Variants in PAX9 observed in about 807,000 individuals in gnomAD.
PAX9 encodes paired box 9.
PAX9 carries 6 observed loss-of-function variants against 29.1 expected under a neutral mutation model. That is an observed-to-expected ratio of 0.21 (90% CI 0.11 to 0.41). PAX9 has a LOEUF of 0.41. PAX9 is among the 10% of genes least tolerant of loss of function. The pLI is 1.00. For missense variants in PAX9, 443 were observed against 479.1 expected, an observed-to-expected ratio of 0.92 and a Z score of 0.70; for synonymous variants, 217 against 211.7, an observed-to-expected ratio of 1.03 and a Z score of -0.22.
At chr14:36,671,170 C>T (rs1881681346) in intron 3 of PAX9, 4 of 341,960 alleles carry the variant, frequency 1.2e-5, no homozygotes, top group South Asian at 8.9e-5. Flanking sequence ...ATAAGAGGAC[C>T]AGGTTGAACT....
chr14:36,676,261 ACC>A lies in PAX9; in HGVS notation c.838_839del (p.Pro280SerfsTer36). 6.2e-7 allele frequency: 1 copy of A among 1,613,818 alleles called. No individual in the cohort carries two copies. Among genetic ancestry groups the A allele is most frequent in the Non-Finnish European group, 8.5e-7 (1 of 1,179,964 alleles). On this transcript the variant is annotated frameshift_variant, in exon 4 of 4. Coordinates refer to ENST00000361487, the MANE Select transcript of PAX9 (RefSeq NM_001372076.1). LOFTEE classifies it high-confidence loss of function. ...AGCATCCAGCATGGCTCCTTACCCTACCCCAGCCCAAGTGTCGCCTTACATGA... is the reference window on the plus strand; with the variant it reads ...AGCATCCAGCATGGCTCCTTACCCTACCAGCCCAAGTGTCGCCTTACATGA... ...VSASSMAPYP[T>X]PAQVSPYMTY... is the part of the protein sequence containing the mutation.
intron 1 of PAX9, 76 bp from the exon 2 acceptor site, chr14:36,662,821 G>C (rs576169642): frequency 1.9e-6 from 3 of 1,552,514 alleles, no homozygotes; most frequent in African/African-American, 1.4e-5. Flanking sequence ...CCCCGGATGC[G>C]TAGGGAGGCC....
At chr14:36,666,685 G>A in intron 3 of PAX9, 84 bp downstream of exon 3, 1 of 1,502,794 alleles carries the variant, frequency 6.7e-7, no homozygotes, top group Non-Finnish European at 9.1e-7. Flanking sequence ...GTCCCTTTCT[G>A]AGCTTCCCGC....
intron 1 of PAX9, 54 bp downstream of exon 1, chr14:36,662,147 C>T: frequency 2.0e-5 from 3 of 147,698 alleles, no homozygotes; most frequent in South Asian, 9.1e-5. Context: ...AGGGAGCGAG[C>T]GGGCAAGGGA....
At chr14:36,657,907 G>T (rs1238037953), upstream of PAX9, 1 of 152,312 alleles carries the variant, frequency 6.6e-6, no homozygotes, top group Non-Finnish European at 1.5e-5. Context: ...GCAGGTCAGT[G>T]TGCGGGCGCC....
Position 36,678,446 on chromosome 14 carries a change from G to C in PAX9, c.*1994G>C. On this transcript the variant is annotated 3_prime_UTR_variant, in exon 4 of 4. Coordinates refer to ENST00000361487, the MANE Select transcript of PAX9 (RefSeq NM_001372076.1). ...ACTCTCAGGGCCATAGTCTTCCTTT[G>C]ATCTTGTAAAACTTCCATTGACATC... is the stretch of plus-strand genomic sequence containing the variant. 1.3e-6 allele frequency: 2 copies of C among 1,486,324 alleles called. No individual in the cohort carries two copies. The highest frequency in any genetic ancestry group is 9.1e-7 in the Non-Finnish European group (1 of 1,100,448). 92.1% of individuals were successfully genotyped at this position (1,486,324 alleles called of 1,614,324 possible).
intron 3 of PAX9, among the ~76,000 whole-genome samples, chr14:36,668,200 A>G (rs1273841595): frequency 6.6e-6 from 1 of 152,174 alleles, no homozygotes; most frequent in Non-Finnish European, 1.5e-5. Context: ...CAATAGAAAG[A>G]GTGTATATAA....
At chr14:36,667,662 C>A (rs1216450027) in intron 3 of PAX9, among the ~76,000 whole-genome samples, 1 of 152,146 alleles carries the variant, frequency 6.6e-6, no homozygotes, top group Non-Finnish European at 1.5e-5. Flanking sequence ...TTTTCTGTAA[C>A]AAATCCCATT....
Position 36,677,006 on chromosome 14 carries a change from G to C in PAX9, c.*554G>C, listed in dbSNP as rs72679753. ...CTTTGTTTAAGACATGACCTATTTTGTTGAAAAATATATGTAGAACCCAAG... is the reference window on the plus strand; with the variant it reads ...CTTTGTTTAAGACATGACCTATTTTCTTGAAAAATATATGTAGAACCCAAG... On this transcript the variant is annotated 3_prime_UTR_variant, in exon 4 of 4. Coordinates refer to ENST00000361487, the MANE Select transcript of PAX9 (RefSeq NM_001372076.1). The C allele has an allele frequency of 0.075, 12,231 of 163,994 alleles. 625 individuals carry two copies. The highest frequency in any genetic ancestry group is 0.15 in the South Asian group (932 of 6,328). 10.2% of individuals were successfully genotyped at this position (163,994 alleles called of 1,614,324 possible).
At position 36,662,060 on chromosome 14, in the gene PAX9, T is replaced by C. The variant is rs572384078; in HGVS notation, c.-30T>C. On this transcript the variant is annotated 5_prime_UTR_variant, in exon 1 of 4. Transcript: ENST00000361487. ...AAGTTTCTGTCTGGGAGTGCGGAAC[T>C]GGGGCCGGGTTGGTGTACTGCTCGG... 1.1e-5 allele frequency: 15 copies of C among 1,413,098 alleles called. No homozygotes were observed. Among genetic ancestry groups the C allele is most frequent in the African/African-American group, 3.0e-5 (2 of 66,470 alleles). The allele number at this position is 1,413,098 out of a possible 1,614,324, so 87.5% of individuals were successfully genotyped here.
intron 3 of PAX9, among the ~76,000 whole-genome samples, chr14:36,669,681 T>A (rs1235203889): frequency 6.6e-6 from 1 of 152,164 alleles, no homozygotes; most frequent in Non-Finnish European, 1.5e-5. Context: ...CAGCTTAAAC[T>A]GTAAAGACAG....
At chr14:36,658,382 G>C (rs896256345), upstream of PAX9, among the ~76,000 whole-genome samples, 1 of 151,834 alleles carries the variant, frequency 6.6e-6, no homozygotes, top group Non-Finnish European at 1.5e-5. Flanking sequence ...TTGGGGGGGG[G>C]GGGTCCTGTC....
At chr14:36,666,194 A>C in intron 2 of PAX9, 2 of 502,244 alleles carry the variant, frequency 4.0e-6, no homozygotes, top group Non-Finnish European at 3.6e-6. Flanking sequence ...GGAAATCAAA[A>C]ACCGGTTGAA....
At position 36,662,188 on chromosome 14, in the gene PAX9, G is replaced by A. The variant is rs1435364280; in HGVS notation, c.4+95G>A. The A allele has an allele frequency of 2.2e-5, 28 of 1,294,400 alleles. No individual in the cohort carries two copies. The South Asian group carries it at 3.7e-4, about 17-fold the overall frequency. 80.2% of individuals were successfully genotyped at this position (1,294,400 alleles called of 1,614,324 possible). ...GGAGGGAGGGAGCGCGAGGGCGCGC[G>A]CCACTAGGCGCTCACATTCTCTATT... is the stretch of plus-strand genomic sequence containing the variant. On this transcript the variant is annotated intron_variant, in intron 1 of 3. Coordinates refer to ENST00000361487, the MANE Select transcript of PAX9 (RefSeq NM_001372076.1).
intron 3 of PAX9, among the ~76,000 whole-genome samples, chr14:36,672,375 G>A (rs1025937153): frequency 2.6e-5 from 4 of 152,180 alleles, no homozygotes; most frequent in Non-Finnish European, 4.4e-5. Context: ...GGACGTTTAA[G>A]TCATGTACTC....
upstream of PAX9, among the ~76,000 whole-genome samples, chr14:36,660,365 T>C (rs1881211359): frequency 6.6e-6 from 1 of 152,186 alleles, no homozygotes; most frequent in Non-Finnish European, 1.5e-5. Flanking sequence ...CAAGTTCAAG[T>C]ATGTCTAGTT....
At chr14:36,669,288 A>C (rs1258214544) in intron 3 of PAX9, among the ~76,000 whole-genome samples, 1 of 152,188 alleles carries the variant, frequency 6.6e-6, no homozygotes, top group Non-Finnish European at 1.5e-5. Context: ...ATATATGTGC[A>C]TTTCTCTTAC....
chr14:36,666,825 G>C (rs939234395), intron 3 of PAX9, among the ~76,000 whole-genome samples: 5 of 152,328 alleles, frequency 3.3e-5, no homozygotes, highest in Admixed American at 6.5e-5. Flanking sequence ...GGGAGCGCTC[G>C]TCAGGGCGCT....
At chr14:36,665,167 GA>G (rs67344124) in intron 2 of PAX9, among the ~76,000 whole-genome samples, 25,558 of 87,292 alleles carry the variant, frequency 0.29, 2,344 homozygotes, top group East Asian at 0.37. Flanking sequence ...GAGACATAGT[GA>G]AAAAAAAAAA....
Sources: allele counts gnomAD v4.1 joint callset (sites outside exome capture counted in the v4.1 genomes callset), GRCh38; gene constraint gnomAD v4.1.1; transcripts MANE v1.5; gene names NCBI Gene and HGNC (gene_info 2026-07-23, HGNC 2026-07-21).